NICOL1: variants seen among roughly 807,000 people sequenced by gnomAD.
NICOL1 encodes the protein NELL2 interacting cell ontogeny regulator 1.
the NICOL1 span, chr4:2,042,130 G>A: frequency 2.7e-6 from 4 of 1,466,162 alleles, no homozygotes; most frequent in East Asian, 8.6e-5. Flanking sequence ...CGGACTAGAG[G>A]CTCGCTGGGC....
the NICOL1 span, chr4:2,042,232 G>A: frequency 2.3e-6 from 3 of 1,314,194 alleles, no homozygotes; most frequent in Admixed American, 4.0e-5. Flanking sequence ...CAGGCCTGGG[G>A]CTTGGACAAG....
At chr4:2,038,635 C>A in the NICOL1 span, among the ~76,000 whole-genome samples, 2 of 152,078 alleles carry the variant, frequency 1.3e-5, no homozygotes, top group Non-Finnish European at 2.9e-5. Context: ...TCTGAGGATA[C>A]AGTGTTCAAT....
At chr4:2,043,436 C>A in the NICOL1 span, among the ~76,000 whole-genome samples, 1 of 152,174 alleles carries the variant, frequency 6.6e-6, no homozygotes. Context: ...TCCCACCCCC[C>A]ACCAGCCCTA....
chr4:2,043,766 GC>G, the NICOL1 span: 1 of 974,658 alleles, frequency 1.0e-6, no homozygotes, highest in Non-Finnish European at 1.5e-6. Context: ...TGTCTCAGGA[GC>G]CGGTGGAGAT....
chr4:2,042,813 C>T, the NICOL1 span: 2 of 1,497,956 alleles, frequency 1.3e-6, no homozygotes, highest in Non-Finnish European at 8.9e-7. Flanking sequence ...AGCCTGCAGC[C>T]TGGACGCGCG....
At chr4:2,040,690 C>T in the NICOL1 span, among the ~76,000 whole-genome samples, 1 of 152,210 alleles carries the variant, frequency 6.6e-6, no homozygotes, top group African/African-American at 2.4e-5. Flanking sequence ...CCTGGGACAG[C>T]GGCCCGCAGC....
the NICOL1 span, among the ~76,000 whole-genome samples, chr4:2,038,283 AT>A: frequency 1.4e-4 from 18 of 133,242 alleles, no homozygotes; most frequent in East Asian, 4.3e-4. Flanking sequence ...ATATATATAT[AT>A]AAAATTAAAA....
the NICOL1 span, among the ~76,000 whole-genome samples, chr4:2,043,660 ACCCCAGGCAGG>A: frequency 6.6e-6 from 1 of 152,130 alleles, no homozygotes; most frequent in Non-Finnish European, 1.5e-5. Context: ...GCACCAGCAG[ACCCCAGGCAGG>A]CCCCACCAGT....
the NICOL1 span, among the ~76,000 whole-genome samples, chr4:2,039,099 C>G: frequency 2.0e-5 from 3 of 151,936 alleles, no homozygotes; most frequent in East Asian, 3.8e-4. Context: ...GTTGGATTCA[C>G]GAAATAGAGT....
chr4:2,042,385 TCAC>T, the NICOL1 span: 3 of 515,162 alleles, frequency 5.8e-6, no homozygotes, highest in Non-Finnish European at 1.0e-5. Context: ...GTCCCCGATG[TCAC>T]CGCCGCCGCC....
At chr4:2,041,154 G>T in the NICOL1 span, among the ~76,000 whole-genome samples, 317 of 148,932 alleles carry the variant, frequency 2.1e-3, 7 homozygotes, top group African/African-American at 7.4e-3. Context: ...GTGGGGTGGG[G>T]GGGGAGCGGG....
the NICOL1 span, among the ~76,000 whole-genome samples, chr4:2,040,990 C>A: frequency 6.6e-6 from 1 of 151,982 alleles, no homozygotes. Context: ...GGGTAGAGGT[C>A]GGCTAGGCTG....
At chr4:2,038,239 A>G in the NICOL1 span, among the ~76,000 whole-genome samples, 4,029 of 18,610 alleles carry the variant, frequency 0.22, 106 homozygotes, top group African/African-American at 0.38. Flanking sequence ...ATCAGTGTGT[A>G]TATATATATA....
chr4:2,038,552 T>C, the NICOL1 span, among the ~76,000 whole-genome samples: 1 of 152,194 alleles, frequency 6.6e-6, no homozygotes, highest in South Asian at 2.1e-4. Context: ...CCGTCTCTTA[T>C]AAGCACAAGC....
chr4:2,041,358 A>C, the NICOL1 span, among the ~76,000 whole-genome samples: 1 of 152,012 alleles, frequency 6.6e-6, no homozygotes, highest in African/African-American at 2.4e-5. Context: ...CCCTGAGTTC[A>C]CGGGACTGAA....
chr4:2,041,909 T>C, the NICOL1 span: 1 of 1,355,230 alleles, frequency 7.4e-7, no homozygotes, highest in Non-Finnish European at 9.6e-7. Context: ...CGTCCTAGGT[T>C]CCTCTAAACC....
chr4:2,038,098 C>T, the NICOL1 span, among the ~76,000 whole-genome samples: 1 of 150,510 alleles, frequency 6.6e-6, no homozygotes, highest in Non-Finnish European at 1.5e-5. Flanking sequence ...AATTTCCAAA[C>T]ATATGGAAGT....
At chr4:2,040,415 AG>A in the NICOL1 span, among the ~76,000 whole-genome samples, 4 of 152,222 alleles carry the variant, frequency 2.6e-5, no homozygotes, top group African/African-American at 7.2e-5. Context: ...CGTGGGCGCT[AG>A]GGGCAGGGGT....
chr4:2,038,309 A>G, the NICOL1 span, among the ~76,000 whole-genome samples: 4 of 143,794 alleles, frequency 2.8e-5, no homozygotes, highest in Admixed American at 2.1e-4. Flanking sequence ...TTTTCTGGAG[A>G]CAGGATCTCA....
Sources: allele counts gnomAD v4.1 joint callset (sites outside exome capture counted in the v4.1 genomes callset), GRCh38; gene constraint gnomAD v4.1.1; transcripts MANE v1.5; gene names NCBI Gene and HGNC (gene_info 2026-07-23, HGNC 2026-07-21).